RIMKLB: variants seen among roughly 807,000 people sequenced by gnomAD.
RIMKLB encodes ribosomal modification protein rimK like family member B.
In RIMKLB, 7 loss-of-function variants were observed where a neutral mutation model predicts 32.0. The observed-to-expected ratio is 0.22, with a 90% CI of 0.12 to 0.41. RIMKLB has a LOEUF of 0.41. Ranked by LOEUF, RIMKLB falls within the 10% of genes least tolerant of loss-of-function variation. The probability of loss-of-function intolerance (pLI) is 1.00; values close to 1 mark genes in which losing one functional copy is unlikely to be tolerated. For missense variants in RIMKLB, 289 were observed against 498.7 expected (o/e 0.58, Z 4.00); for synonymous variants, 172 against 185.1 (o/e 0.93, Z 0.57).
downstream of RIMKLB, chr12:8,780,652 G>T (rs1258676479): frequency 1.3e-5 from 2 of 152,182 alleles, no homozygotes; most frequent in Non-Finnish European, 2.9e-5. Flanking sequence ...GTCTGCATAG[G>T]AGAAGAGATA....
At chr12:8,734,149 T>C (rs184573431) in intron 2 of RIMKLB, among the ~76,000 whole-genome samples, 6 of 152,310 alleles carry the variant, frequency 3.9e-5, no homozygotes, top group Admixed American at 2.0e-4. Context: ...GTATTTTACC[T>C]AGGCCTAATG....
At chr12:8,779,522 G>A (rs1217887973), downstream of RIMKLB, 1 of 152,326 alleles carries the variant, frequency 6.6e-6, no homozygotes, top group Admixed American at 6.5e-5. Context: ...ATCGGGGGAA[G>A]GAATGAGAAA....
At position 8,775,813 on chromosome 12, in the gene RIMKLB, G is replaced by A; in HGVS notation, c.*2029G>A. The A allele has an allele frequency of 1.0e-6, 1 of 985,050 alleles. No individual in the cohort carries two copies. The highest frequency in any genetic ancestry group is 1.2e-6 in the Non-Finnish European group (1 of 829,456). The allele number at this position is 985,050 out of a possible 1,614,324, so 61.0% of individuals were successfully genotyped here. ...TCAGAGAAAAGGATACATAAGAGGA[G>A]TTTGTAATTTATCTTAGGATATTCT... On this transcript the variant is annotated 3_prime_UTR_variant, in exon 6 of 6. Transcript: ENST00000535829.
At chr12:8,670,946 G>A in the RIMKLB span, among the ~76,000 whole-genome samples, 1 of 152,218 alleles carries the variant, frequency 6.6e-6, no homozygotes, top group Non-Finnish European at 1.5e-5. Context: ...AAGGCTTGGG[G>A]CTTCCACCCT....
chr12:8,708,831 T>C (rs1944122507), intron 1 of RIMKLB, among the ~76,000 whole-genome samples: 1 of 152,252 alleles, frequency 6.6e-6, no homozygotes, highest in Admixed American at 6.5e-5. Context: ...CTGTTTTTTA[T>C]TGGTATGCTG....
chr12:8,757,457 C>CCT (rs1949135996), intron 5 of RIMKLB, among the ~76,000 whole-genome samples: 1 of 127,190 alleles, frequency 7.9e-6, no homozygotes, highest in South Asian at 2.3e-4. Flanking sequence ...GGTGACACAG[C>CCT]AAGACCCTGT....
At chr12:8,748,686 G>C (rs1214445353) in intron 2 of RIMKLB, among the ~76,000 whole-genome samples, 2 of 151,532 alleles carry the variant, frequency 1.3e-5, no homozygotes, top group African/African-American at 2.4e-5. Flanking sequence ...GCTCATGCCT[G>C]TAAGCATTTT....
At chr12:8,683,156 A>C (rs963670249) in intron 1 of RIMKLB, among the ~76,000 whole-genome samples, 1 of 152,220 alleles carries the variant, frequency 6.6e-6, no homozygotes, top group East Asian at 1.9e-4. Flanking sequence ...TTATTCCTTC[A>C]TCTACTGAAG....
At chr12:8,760,544 C>CT (rs768759785) in intron 5 of RIMKLB, among the ~76,000 whole-genome samples, 20 of 152,162 alleles carry the variant, frequency 1.3e-4, no homozygotes, top group Admixed American at 3.3e-4. Flanking sequence ...GGTTGAACTA[C>CT]TTTACAGTCT....
Position 8,773,586 on chromosome 12 carries a change from G to T in RIMKLB, c.963G>T (p.Val321=), listed in dbSNP as rs757258360. 2.5e-6 allele frequency: 4 copies of T among 1,614,118 alleles called. No individual in the cohort carries two copies. The African/African-American group carries it at 4.0e-5, about 16-fold the overall frequency. The part of the protein sequence containing the change: ...RLTRRMSLLS[V]VSTASETSEP... ...CCCGGCGTATGTCCCTGCTCTCCGT[G>T]GTGTCCACTGCCAGTGAGACTAGTG... The change falls in exon 6 of 6, where the codon GTG becomes GTT. Residue 321 remains valine (V), a synonymous_variant. Coordinates refer to ENST00000535829, the MANE Select transcript of RIMKLB (RefSeq NM_001297776.2).
intron 2 of RIMKLB, among the ~76,000 whole-genome samples, chr12:8,747,307 C>A (rs1309691900): frequency 6.6e-6 from 1 of 152,182 alleles, no homozygotes; most frequent in Non-Finnish European, 1.5e-5. Context: ...ACCATCAATA[C>A]AAATCGCAGA....
At chr12:8,695,214 G>T (rs951071954), upstream of RIMKLB, among the ~76,000 whole-genome samples, 1 of 47,276 alleles carries the variant, frequency 2.1e-5, no homozygotes, top group Non-Finnish European at 5.0e-5. Context: ...GCCCCGCCCG[G>T]CCCCGACACC....
At chr12:8,739,094 A>G (rs1947268190) in intron 2 of RIMKLB, among the ~76,000 whole-genome samples, 2 of 152,166 alleles carry the variant, frequency 1.3e-5, no homozygotes, top group South Asian at 2.1e-4. Context: ...TAAATTGATG[A>G]TCTTAGTTTG....
Position 8,774,338 on chromosome 12 carries a change from T to G in RIMKLB, c.*554T>G, listed in dbSNP as rs1950605585. On this transcript the variant is annotated 3_prime_UTR_variant, in exon 6 of 6. Coordinates refer to ENST00000535829, the MANE Select transcript of RIMKLB (RefSeq NM_001297776.2). ...TTACTGGGATTTCTTATTTTTTTGT[T>G]TTTTCCCGCTTAATTTGGTGGGAGG... 1 of 985,930 alleles carries G rather than the reference T, an allele frequency of 1.0e-6. No individual in the cohort carries two copies. The highest frequency in any genetic ancestry group is 1.2e-6 in the Non-Finnish European group (1 of 830,058). 61.1% of individuals were successfully genotyped at this position (985,930 alleles called of 1,614,324 possible).
At chr12:8,755,203 G>A (rs904549526) in intron 5 of RIMKLB, among the ~76,000 whole-genome samples, 9 of 151,906 alleles carry the variant, frequency 5.9e-5, no homozygotes, top group South Asian at 2.1e-4. Flanking sequence ...TGCCTGCCTC[G>A]GCCTCCCAGA....
chr12:8,778,514 G>A (rs749866051), downstream of RIMKLB, among the ~76,000 whole-genome samples: 1 of 152,146 alleles, frequency 6.6e-6, no homozygotes, highest in Non-Finnish European at 1.5e-5. Context: ...TGAACAGATA[G>A]GAGGACATTT....
chr12:8,748,492 G>A (rs1196183109), intron 2 of RIMKLB, among the ~76,000 whole-genome samples: 3 of 148,118 alleles, frequency 2.0e-5, no homozygotes, highest in African/African-American at 7.4e-5. Context: ...GTTTTGAAAC[G>A]TCCCCCACAG....
chr12:8,781,706 AAG>A (rs1951059981), downstream of RIMKLB, among the ~76,000 whole-genome samples: 1 of 152,090 alleles, frequency 6.6e-6, no homozygotes, highest in South Asian at 2.1e-4. Context: ...TGTTTTTCCT[AAG>A]AGAGTGTGCA....
At chr12:8,746,866 G>C (rs1176869483) in intron 2 of RIMKLB, among the ~76,000 whole-genome samples, 2 of 152,002 alleles carry the variant, frequency 1.3e-5, no homozygotes, top group Non-Finnish European at 1.5e-5. Flanking sequence ...TCAGCCTTCT[G>C]AGTAACTAGG....
Sources: allele counts gnomAD v4.1 joint callset (sites outside exome capture counted in the v4.1 genomes callset), GRCh38; gene constraint gnomAD v4.1.1; transcripts MANE v1.5; gene names NCBI Gene and HGNC (gene_info 2026-07-23, HGNC 2026-07-21).